HNF4A: variants seen among roughly 807,000 people sequenced by gnomAD.
HNF4A encodes hepatocyte nuclear factor 4 alpha.
HNF4A carries 15 observed loss-of-function variants against 52.4 expected under a neutral mutation model. The ratio of observed to expected loss-of-function variants is 0.29; its 90% confidence interval spans 0.19 to 0.44. The LOEUF (loss-of-function observed/expected upper bound fraction) is 0.44. HNF4A is among the 20% of genes least tolerant of loss of function. The pLI, the probability that HNF4A is intolerant of heterozygous loss-of-function variation, is 1.00. For synonymous variants in HNF4A, 280 were observed against 264.4 expected, an observed-to-expected ratio of 1.06 and a Z score of -0.57; for missense variants, 479 against 647.2, an observed-to-expected ratio of 0.74 and a Z score of 2.82.
At chr20:44,392,980 G>A (rs1360065643) in intron 1 of HNF4A, among the ~76,000 whole-genome samples, 2 of 152,308 alleles carry the variant, frequency 1.3e-5, no homozygotes, top group East Asian at 3.9e-4. Context: ...AACTGTACAG[G>A]GCAGTAACTC....
At chr20:44,366,808 A>G (rs915556677) in intron 1 of HNF4A, among the ~76,000 whole-genome samples, 1 of 152,194 alleles carries the variant, frequency 6.6e-6, no homozygotes. Context: ...TATATCTTCA[A>G]AAGAAAGGAA....
rs377476335 is a variant in HNF4A at position 44,413,696 on chromosome 20, G to A, written c.388G>A (p.Val130Ile). 16 of 1,611,026 alleles carry A rather than the reference G, an allele frequency of 9.9e-6. No individual in the cohort carries two copies. The highest frequency in any genetic ancestry group is 2.7e-5 in the African/African-American group (2 of 74,090). ...CACCTCTCTGTGCCTCCTCACAGCC[G>A]TCCAGAATGAGCGGGACCGGATCAG... The change falls in exon 4 of 10, where the codon GTC (valine) becomes ATC (isoleucine). Residue 130 changes from valine to isoleucine, a missense_variant and splice_region_variant. Transcript: ENST00000316099.
chr20:44,393,297 C>T (rs2063322445), intron 1 of HNF4A, among the ~76,000 whole-genome samples: 1 of 152,240 alleles, frequency 6.6e-6, no homozygotes, highest in Non-Finnish European at 1.5e-5. Flanking sequence ...AGCCACCTGG[C>T]AGGAGGCAGC....
At chr20:44,406,434 G>A (rs534243728) in intron 2 of HNF4A, among the ~76,000 whole-genome samples, 4 of 152,302 alleles carry the variant, frequency 2.6e-5, no homozygotes, top group African/African-American at 9.6e-5. Context: ...TCAAGCTACT[G>A]GCTGCCGTTT....
intron 1 of HNF4A, among the ~76,000 whole-genome samples, chr20:44,384,094 T>C (rs551933645): frequency 6.6e-6 from 1 of 150,684 alleles, no homozygotes; most frequent in Non-Finnish European, 1.5e-5. Context: ...CAGGTGATCT[T>C]CCCACCTCGG....
At position 44,429,907 on chromosome 20, in the gene HNF4A, T is replaced by C. The variant is rs41282030; in HGVS notation, c.*242T>C. 7,648 of 548,760 alleles carry C rather than the reference T, an allele frequency of 0.014. 476 individuals carry two copies. Among genetic ancestry groups the C allele is most frequent in the African/African-American group, 0.13 (6,998 of 52,878 alleles). The allele number at this position is 548,760 out of a possible 1,614,324, so 34.0% of individuals were successfully genotyped here. On this transcript the variant is annotated 3_prime_UTR_variant, in exon 10 of 10. Coordinates refer to ENST00000316099, the MANE Select transcript of HNF4A (RefSeq NM_000457.6). ...CCTCTACTGCCTTGGACAACTTTTCTCATGTTGAAGCCACTGCCTTCACCT... is the reference window on the plus strand; with the variant it reads ...CCTCTACTGCCTTGGACAACTTTTCCCATGTTGAAGCCACTGCCTTCACCT...
At chr20:44,401,502 AT>A in intron 1 of HNF4A, 1 of 1,614,076 alleles carries the variant, frequency 6.2e-7, no homozygotes, top group South Asian at 1.1e-5. Context: ...GTGGGGGCAG[AT>A]GTGCCCAGGT....
In HNF4A at chr20:44,429,848, C is replaced by G; in HGVS notation, c.*183C>G. 1.6e-6 allele frequency: 1 copy of G among 636,520 alleles called. No homozygotes were observed. The highest frequency in any genetic ancestry group is 2.7e-6 in the Non-Finnish European group (1 of 366,414). The allele number at this position is 636,520 out of a possible 1,614,324, so 39.4% of individuals were successfully genotyped here. ...ACATCCCACTGCCACCCTTGACGCC[C>G]TGCTCTGGATAACAAGACTTTGACT... On this transcript the variant is annotated 3_prime_UTR_variant, in exon 10 of 10. Transcript: ENST00000316099.
At chr20:44,378,918 CAA>C (rs61103959) in intron 1 of HNF4A, among the ~76,000 whole-genome samples, 65,915 of 129,000 alleles carry the variant, frequency 0.51, 17,560 homozygotes, top group African/African-American at 0.74. Flanking sequence ...GACCCCGTCT[CAA>C]AAAAAAAAAA....
chr20:44,408,982 C>A (rs976253096), intron 3 of HNF4A, among the ~76,000 whole-genome samples: 2 of 151,994 alleles, frequency 1.3e-5, no homozygotes, highest in Non-Finnish European at 2.9e-5. Flanking sequence ...GGAGGGGAGG[C>A]TTTGGTAGAC....
chr20:44,388,381 A>ACCCCCCCCCCCC (rs1227407354), intron 1 of HNF4A, among the ~76,000 whole-genome samples: 1 of 76,226 alleles, frequency 1.3e-5, no homozygotes. Flanking sequence ...GACCCCCCCC[A>ACCCCCCCCCCCC]CCCCCGTACA....
intron 1 of HNF4A, among the ~76,000 whole-genome samples, chr20:44,387,463 C>A (rs557680982): frequency 4.6e-5 from 7 of 150,868 alleles, no homozygotes; most frequent in Admixed American, 2.7e-4. Context: ...AAAACAAGGG[C>A]GTGCATGGCC....
intron 1 of HNF4A, among the ~76,000 whole-genome samples, chr20:44,385,115 A>G (rs1456269358): frequency 2.7e-5 from 3 of 110,356 alleles, no homozygotes; most frequent in Admixed American, 1.2e-4. Flanking sequence ...AGATGAGGCA[A>G]TTTGGGCTTT....
chr20:44,390,418 C>A, intron 1 of HNF4A: 1 of 533,314 alleles, frequency 1.9e-6, no homozygotes, highest in East Asian at 3.0e-5. Context: ...GAGCCCCTTG[C>A]AGAGCCCTGG....
chr20:44,411,233 C>T (rs2063576740), intron 3 of HNF4A, among the ~76,000 whole-genome samples: 1 of 152,194 alleles, frequency 6.6e-6, no homozygotes, highest in Non-Finnish European at 1.5e-5. Flanking sequence ...CCCTGCTCCC[C>T]ACAGCCCCCT....
chr20:44,419,638 C>A, intron 6 of HNF4A, 83 bp from the exon 7 acceptor site: 1 of 1,334,064 alleles, frequency 7.5e-7, no homozygotes, highest in Non-Finnish European at 1.1e-6. Flanking sequence ...CACCAGCTAT[C>A]TTGCCAACTT....
chr20:44,408,260 G>A lies in HNF4A; in HGVS notation c.385+785G>A, dbSNP rs577531393. ...AGGAACTGAGGCCCACAATGGTTAAGCAACTTGCCTAGGGCCCCACAACTG... is the reference window on the plus strand; with the variant it reads ...AGGAACTGAGGCCCACAATGGTTAAACAACTTGCCTAGGGCCCCACAACTG... On this transcript the variant is annotated intron_variant, in intron 3 of 9. Coordinates refer to ENST00000316099, the MANE Select transcript of HNF4A (RefSeq NM_000457.6). 1.1e-3 allele frequency: 175 copies of A among 155,628 alleles called. 1 individual carries two copies. Among genetic ancestry groups the A allele is most frequent in the African/African-American group, 3.9e-3 (162 of 41,628 alleles). The allele number at this position is 155,628 out of a possible 1,614,324, so 9.6% of individuals were successfully genotyped here.
chr20:44,368,135 TATATAC>T lies in HNF4A; in HGVS notation c.49+12288_49+12293del, dbSNP rs1194216857. 8.7e-3 allele frequency among the ~76,000 whole-genome samples: 369 copies of T among 42,296 alleles called. 20 individuals are homozygous for T. Among genetic ancestry groups the T allele is most frequent in the African/African-American group, 0.037 (355 of 9,476 alleles). 27.7% of individuals were successfully genotyped at this position (42,296 alleles called of 152,430 possible). A position where few individuals can be genotyped will look rare whatever the true frequency, so the allele number is the denominator to read the frequency against. ...GTATACATATATGTGTGTGTGTGTG[TATATAC>T]ATATATATATATATATATATTTTTT... is the stretch of plus-strand genomic sequence containing the variant. On this transcript the variant is annotated intron_variant, in intron 1 of 9. Coordinates refer to the HNF4A transcript ENST00000316673.
intron 1 of HNF4A, among the ~76,000 whole-genome samples, chr20:44,365,335 A>AT (rs2062959916): frequency 6.6e-6 from 1 of 151,888 alleles, no homozygotes; most frequent in Non-Finnish European, 1.5e-5. Flanking sequence ...TGCCCAGCTA[A>AT]TTTTTTATTT....
Sources: allele counts gnomAD v4.1 joint callset (sites outside exome capture counted in the v4.1 genomes callset), GRCh38; gene constraint gnomAD v4.1.1; transcripts MANE v1.5; gene names NCBI Gene and HGNC (gene_info 2026-07-23, HGNC 2026-07-21).